GPHN: variants seen among roughly 807,000 people sequenced by gnomAD.
The protein encoded by GPHN is gephyrin.
A neutral mutation model predicts 95.5 loss-of-function variants in GPHN; 17 were observed. That is an observed-to-expected ratio of 0.18 (90% CI 0.12 to 0.27). The LOEUF is 0.27. Among genes scored for constraint, GPHN ranks in the 10% least tolerant of loss-of-function variants. The probability of loss-of-function intolerance (pLI) is 1.00; values close to 1 mark genes in which losing one functional copy is unlikely to be tolerated. For synonymous variants in GPHN, 320 were observed against 322.5 expected, an observed-to-expected ratio of 0.99 and a Z score of 0.08; for missense variants, 660 against 978.1, an observed-to-expected ratio of 0.67 and a Z score of 4.34.
At chr14:67,188,371 G>C in the GPHN span, among the ~76,000 whole-genome samples, 1 of 151,658 alleles carries the variant, frequency 6.6e-6, no homozygotes. Flanking sequence ...TAATGTATCA[G>C]TAGCCTCAAA....
chr14:66,934,824 A>G (rs1175612817), intron 8 of GPHN, among the ~76,000 whole-genome samples: 5 of 152,232 alleles, frequency 3.3e-5, no homozygotes, highest in Non-Finnish European at 7.3e-5. Context: ...CTTTTTGGTT[A>G]CATGAGCCAA....
intron 9 of GPHN, among the ~76,000 whole-genome samples, chr14:66,998,918 TATAC>T (rs944497458): frequency 1.3e-5 from 2 of 149,940 alleles, no homozygotes; most frequent in South Asian, 2.1e-4. Flanking sequence ...CATATATATA[TATAC>T]ACACAATTAT....
At chr14:67,704,853 G>C in the GPHN span, among the ~76,000 whole-genome samples, 1 of 152,164 alleles carries the variant, frequency 6.6e-6, no homozygotes, top group Non-Finnish European at 1.5e-5. Flanking sequence ...TAATAAACCA[G>C]AACATCAACC....
the GPHN span, among the ~76,000 whole-genome samples, chr14:67,544,377 C>T: frequency 6.6e-6 from 1 of 152,090 alleles, no homozygotes; most frequent in Non-Finnish European, 1.5e-5. Flanking sequence ...CTGGTAGGGA[C>T]AGAAACAAAA....
the GPHN span, chr14:67,350,631 C>T: frequency 6.2e-7 from 1 of 1,613,762 alleles, no homozygotes; most frequent in Admixed American, 1.7e-5. Flanking sequence ...CTGCTGTGAA[C>T]TTGGCTTCAG....
chr14:67,333,090 T>C, the GPHN span: 1 of 736,418 alleles, frequency 1.4e-6, no homozygotes, highest in Non-Finnish European at 2.1e-6. Flanking sequence ...TTCTTAGATC[T>C]CTTGAATTAG....
intron 17 of GPHN, among the ~76,000 whole-genome samples, chr14:67,130,301 A>G (rs2079621440): frequency 6.6e-6 from 1 of 151,966 alleles, no homozygotes; most frequent in Admixed American, 6.6e-5. Context: ...CCCAGTGTCT[A>G]TTGTTGCCAT....
chr14:66,733,140 A>G (rs754488208), intron 2 of GPHN, among the ~76,000 whole-genome samples: 2 of 152,086 alleles, frequency 1.3e-5, no homozygotes, highest in Non-Finnish European at 2.9e-5. Flanking sequence ...ATTCAGTAAT[A>G]ATCAGTGAGT....
chr14:66,842,039 T>A (rs1375978158), intron 4 of GPHN, among the ~76,000 whole-genome samples: 1 of 151,196 alleles, frequency 6.6e-6, no homozygotes, highest in Non-Finnish European at 1.5e-5. Context: ...GGTGACAGAG[T>A]AAGACTCCTT....
chr14:67,709,056 G>T, the GPHN span, among the ~76,000 whole-genome samples: 1 of 152,158 alleles, frequency 6.6e-6, no homozygotes, highest in Non-Finnish European at 1.5e-5. Flanking sequence ...TTCCCAAAGT[G>T]CTGGGATTAC....
At chr14:67,557,360 A>G in the GPHN span, 1 of 1,614,014 alleles carries the variant, frequency 6.2e-7, no homozygotes, top group Non-Finnish European at 8.5e-7. Context: ...GAATTGCTGA[A>G]AGCCATAAAG....
At chr14:66,669,280 C>A (rs371072173) in intron 1 of GPHN, among the ~76,000 whole-genome samples, 1 of 151,354 alleles carries the variant, frequency 6.6e-6, no homozygotes, top group East Asian at 2.0e-4. Flanking sequence ...GGGAGAATCG[C>A]TTGAACCCAG....
chr14:67,579,921 G>A, the GPHN span: 1 of 1,533,944 alleles, frequency 6.5e-7, no homozygotes, highest in Non-Finnish European at 8.8e-7. Context: ...CCTGCTCAGG[G>A]ATATTGGTGG....
intron 6 of GPHN, among the ~76,000 whole-genome samples, chr14:66,917,093 T>C (rs2065952153): frequency 6.6e-6 from 1 of 152,250 alleles, no homozygotes; most frequent in South Asian, 2.1e-4. Context: ...GATATGTTTG[T>C]ACAGAACTAT....
At chr14:67,636,791 A>G in the GPHN span, among the ~76,000 whole-genome samples, 1 of 152,210 alleles carries the variant, frequency 6.6e-6, no homozygotes, top group African/African-American at 2.4e-5. Context: ...GCAAGTGAAA[A>G]ATGAGACCCT....
chr14:67,022,834 A>C (rs1337336607), intron 9 of GPHN, among the ~76,000 whole-genome samples: 1 of 151,864 alleles, frequency 6.6e-6, no homozygotes, highest in Non-Finnish European at 1.5e-5. Context: ...TCTGGAGCTT[A>C]AATACAGTTT....
chr14:67,049,903 G>A (rs142040193), intron 10 of GPHN, among the ~76,000 whole-genome samples: 4 of 152,240 alleles, frequency 2.6e-5, no homozygotes, highest in Non-Finnish European at 5.9e-5. Context: ...ATAAAAAGGT[G>A]CTTAATTGAT....
At chr14:66,813,422 T>C (rs1282577308) in intron 3 of GPHN, among the ~76,000 whole-genome samples, 1 of 152,114 alleles carries the variant, frequency 6.6e-6, no homozygotes, top group Non-Finnish European at 1.5e-5. Context: ...AAGAGAAAGC[T>C]GGGAACGCTG....
the GPHN span, among the ~76,000 whole-genome samples, chr14:67,693,529 A>G: frequency 6.6e-6 from 1 of 151,270 alleles, no homozygotes; most frequent in South Asian, 2.1e-4. Context: ...AAAAAAAAAC[A>G]CACCCACACG....
Sources: allele counts gnomAD v4.1 joint callset (sites outside exome capture counted in the v4.1 genomes callset), GRCh38; gene constraint gnomAD v4.1.1; transcripts MANE v1.5; gene names NCBI Gene and HGNC (gene_info 2026-07-23, HGNC 2026-07-21).